Variants in DNAH6 observed in about 807,000 individuals in gnomAD.
DNAH6 encodes the protein axonemal beta dynein heavy chain 6.
Under a neutral mutation model 491.4 loss-of-function variants are expected in DNAH6, and 340 were observed. That is an observed-to-expected ratio of 0.69 (90% CI 0.63 to 0.76). The LOEUF (loss-of-function observed/expected upper bound fraction) is 0.76, where lower values mean the gene tolerates loss of function less well. DNAH6 is among the 30% of genes least tolerant of loss of function. DNAH6 has a pLI of 0.00. For missense variants in DNAH6, 4,443 were observed against 4,972.2 expected (o/e 0.89, Z 3.20); for synonymous variants, 1,603 against 1,686.1 (o/e 0.95, Z 1.21).
intron 63 of DNAH6, among the ~76,000 whole-genome samples, chr2:84,760,985 A>G (rs746985436): frequency 6.6e-6 from 1 of 152,240 alleles, no homozygotes; most frequent in African/African-American, 2.4e-5. Flanking sequence ...CCCAAAGGAA[A>G]GGAATCAATA....
At chr2:84,663,192 A>C (rs556820513) in intron 37 of DNAH6, among the ~76,000 whole-genome samples, 5 of 152,358 alleles carry the variant, frequency 3.3e-5, no homozygotes, top group African/African-American at 9.6e-5. Flanking sequence ...TTCTCCTCCA[A>C]AGGAACACAG....
chr2:84,472,307 G>T, the DNAH6 span, among the ~76,000 whole-genome samples: 1 of 151,608 alleles, frequency 6.6e-6, no homozygotes, highest in African/African-American at 2.4e-5. Flanking sequence ...GCAATATTCC[G>T]TTGTTGAAAG....
chr2:84,574,357 G>A (rs954337068), intron 12 of DNAH6, among the ~76,000 whole-genome samples: 1 of 152,024 alleles, frequency 6.6e-6, no homozygotes, highest in East Asian at 1.9e-4. Context: ...AATTCAATAT[G>A]CATCTCTAAA....
chr2:84,634,687 T>C (rs2104467430), intron 30 of DNAH6, 46 bp downstream of exon 30: 1 of 1,445,150 alleles, frequency 6.9e-7, no homozygotes, highest in Non-Finnish European at 9.1e-7. Context: ...TCCTTAAATT[T>C]GTCATTAACT....
rs775496372 is a variant in DNAH6, at chr2:84,677,101, A to G, written c.6709A>G (p.Met2237Val). The G allele has an allele frequency of 1.5e-5, 23 of 1,551,576 alleles. No homozygotes were observed. Among genetic ancestry groups the G allele is most frequent in the South Asian group, 5.9e-5 (5 of 84,064 alleles). Residue 2237 changes from methionine (M) to valine (V), a missense_variant, in exon 41 of 77, where the codon ATG becomes GTG. Physicochemically the swap from Met to Val is conservative, Grantham distance 21 (BLOSUM62 1). This residue lies in a region of DNAH6 where 2,977 missense variants were observed against 3,296.6 expected (regional missense o/e 0.90). Transcript: ENST00000389394. ...IRHFSMLCLP[M>V]PSEHSLKQIF... ...ACACTTCAGCATGCTGTGCCTCCCAATGCCCTCAGAGCACAGTCTGAAACA... is the reference window on the plus strand; with the variant it reads ...ACACTTCAGCATGCTGTGCCTCCCAGTGCCCTCAGAGCACAGTCTGAAACA...
chr2:84,602,576 G>C (rs184837127), intron 18 of DNAH6, among the ~76,000 whole-genome samples: 2 of 143,134 alleles, frequency 1.4e-5, no homozygotes, highest in Admixed American at 1.4e-4. Flanking sequence ...GTATGCCTAG[G>C]TGTGCATGTG....
intron 75 of DNAH6, 35 bp downstream of exon 75, chr2:84,814,157 TC>T: frequency 6.5e-7 from 1 of 1,543,606 alleles, no homozygotes; most frequent in Non-Finnish European, 8.8e-7. Flanking sequence ...CAAAGCAGCT[TC>T]TATCCCACTG....
At chr2:84,628,256 T>A (rs780030477) in intron 29 of DNAH6, among the ~76,000 whole-genome samples, 6 of 152,164 alleles carry the variant, frequency 3.9e-5, no homozygotes, top group Non-Finnish European at 8.8e-5. Context: ...TTCTGCAACA[T>A]AAGATTTCTA....
upstream of DNAH6, among the ~76,000 whole-genome samples, chr2:84,512,582 T>C (rs1275017824): frequency 6.6e-6 from 1 of 152,242 alleles, no homozygotes; most frequent in Non-Finnish European, 1.5e-5. Flanking sequence ...ATGGTTTTTC[T>C]ATCATTACTG....
At chr2:84,782,068 G>A (rs1676745472) in intron 65 of DNAH6, among the ~76,000 whole-genome samples, 1 of 152,068 alleles carries the variant, frequency 6.6e-6, no homozygotes, top group African/African-American at 2.4e-5. Flanking sequence ...TTTATCTTCT[G>A]TAACCCGCAT....
Position 84,733,533 on chromosome 2 carries a change from C to T in DNAH6, c.10296C>T (p.His3432=), listed in dbSNP as rs1409961448. ...TGGAAGAATCATTTCCAGTTTTTCA[C>T]GGACTTACCCAAAATATATTGTCAC... is the stretch of plus-strand genomic sequence containing the variant. ...CDLEESFPVF[H]GLTQNILSHP... The change falls in exon 62 of 77, where the codon CAC becomes CAT. Residue 3432 remains histidine (H), a synonymous_variant. Coordinates refer to ENST00000389394, the MANE Select transcript of DNAH6 (RefSeq NM_001370.2). The T allele has an allele frequency of 1.0e-5, 16 of 1,551,444 alleles. No homozygotes were observed. Among genetic ancestry groups the T allele is most frequent in the Middle Eastern group, 1.7e-4 (1 of 6,014 alleles).
At chr2:84,800,995 A>T (rs1479872396) in intron 70 of DNAH6, among the ~76,000 whole-genome samples, 2 of 150,828 alleles carry the variant, frequency 1.3e-5, no homozygotes, top group Non-Finnish European at 2.9e-5. Context: ...CTATCGCAAG[A>T]ACAAAAAACC....
chr2:84,553,499 G>A (rs1369734876), intron 10 of DNAH6, among the ~76,000 whole-genome samples: 2 of 143,050 alleles, frequency 1.4e-5, no homozygotes, highest in African/African-American at 5.2e-5. Flanking sequence ...GATTCACTCT[G>A]TCACCCGGGC....
rs1693309770 is a variant in DNAH6 at position 84,677,099 on chromosome 2, C to T, written c.6707C>T (p.Pro2236Leu). 2 of 1,551,742 alleles carry T rather than the reference C, an allele frequency of 1.3e-6. No homozygotes were observed. The highest frequency in any genetic ancestry group is 2.4e-5 in the South Asian group (2 of 84,060). ...FIRHFSMLCL[P>L]MPSEHSLKQI... ...AGACACTTCAGCATGCTGTGCCTCC[C>T]AATGCCCTCAGAGCACAGTCTGAAA... The change falls in exon 41 of 77, where the codon CCA becomes CTA. Residue 2236 changes from proline (P) to leucine (L), a missense_variant. By Grantham distance (98) the Pro-to-Leu change is moderately conservative. Transcript: ENST00000389394.
At chr2:84,562,002 C>A in intron 11 of DNAH6, among the ~76,000 whole-genome samples, 1 of 151,162 alleles carries the variant, frequency 6.6e-6, no homozygotes, top group African/African-American at 2.4e-5. Flanking sequence ...CTATATAAGC[C>A]TAAAAAAAGA....
chr2:84,530,477 G>C (rs1230898520), intron 4 of DNAH6, among the ~76,000 whole-genome samples: 1 of 152,154 alleles, frequency 6.6e-6, no homozygotes, highest in African/African-American at 2.4e-5. Flanking sequence ...AGGCTGGTGT[G>C]ACTACAGTAG....
At chr2:84,659,318 C>A in intron 37 of DNAH6, 149 bp downstream of exon 37, 1 of 465,530 alleles carries the variant, frequency 2.1e-6, no homozygotes, top group Non-Finnish European at 3.5e-6. Context: ...CAACCATAGA[C>A]AACATTTATC....
At chr2:84,530,711 G>A (rs145861847) in intron 4 of DNAH6, among the ~76,000 whole-genome samples, 121 of 152,296 alleles carry the variant, frequency 7.9e-4, no homozygotes, top group African/African-American at 2.8e-3. Context: ...TGGGGATGAT[G>A]ATGAAGTGGT....
chr2:84,766,561 A>T (rs1487924622), intron 64 of DNAH6, among the ~76,000 whole-genome samples: 1 of 152,220 alleles, frequency 6.6e-6, no homozygotes, highest in Non-Finnish European at 1.5e-5. Context: ...TGGACTTCTC[A>T]TTCCAGTAAT....
Sources: gnomAD v4.1 joint callset for allele counts (sites outside exome capture counted in the v4.1 genomes callset) on GRCh38, gnomAD v4.1.1 for gene constraint, gnomAD v4.1.1 regional missense constraint, MANE v1.5 for transcripts, NCBI Gene and HGNC (gene_info 2026-07-23, HGNC 2026-07-21) for gene names.